PLXDC2: variants seen among roughly 807,000 people sequenced by gnomAD.
PLXDC2 encodes plexin domain-containing protein 2.
Under a neutral mutation model 68.9 loss-of-function variants are expected in PLXDC2, and 40 were observed. The observed-to-expected ratio is 0.58, with a 90% CI of 0.45 to 0.76. PLXDC2 has a LOEUF of 0.76. PLXDC2 is among the 30% of genes least tolerant of loss of function. PLXDC2 has a pLI of 0.00. For missense variants in PLXDC2, 644 were observed against 661.9 expected (o/e 0.97, Z 0.30); for synonymous variants, 243 against 234.2 (o/e 1.04, Z -0.34).
At chr10:20,214,138 G>A (rs181173900) in intron 10 of PLXDC2, among the ~76,000 whole-genome samples, 64 of 152,036 alleles carry the variant, frequency 4.2e-4, no homozygotes, top group East Asian at 2.1e-3. Context: ...CATGTGAACC[G>A]TTCATTTCTC....
chr10:20,084,651 C>A (rs895097131), intron 4 of PLXDC2, among the ~76,000 whole-genome samples: 13 of 151,982 alleles, frequency 8.6e-5, no homozygotes, highest in Non-Finnish European at 1.8e-4. Flanking sequence ...ATAAACTAGC[C>A]TCTGGCCTTA....
intron 1 of PLXDC2, among the ~76,000 whole-genome samples, chr10:19,845,993 C>T (rs564891492): frequency 2.6e-5 from 4 of 152,270 alleles, no homozygotes; most frequent in South Asian, 2.1e-4. Context: ...AATCCCACCT[C>T]CTACCTCAGT....
chr10:20,149,254 T>TTTTTTTTTTTTTTTC (rs1834121107), intron 6 of PLXDC2, among the ~76,000 whole-genome samples: 1 of 132,424 alleles, frequency 7.6e-6, no homozygotes, highest in Non-Finnish European at 1.6e-5. Context: ...TTTTTTTTTT[T>TTTTTTTTTTTTTTTC]TGAGTTGGAG....
At chr10:20,147,677 T>A (rs1011969681) in intron 5 of PLXDC2, 107 bp from the exon 6 acceptor site, 18 of 657,036 alleles carry the variant, frequency 2.7e-5, no homozygotes, top group Middle Eastern at 3.3e-4. Context: ...ATAGTACAAC[T>A]ACCAGATTTG....
At chr10:19,840,970 T>A (rs189505483) in intron 1 of PLXDC2, among the ~76,000 whole-genome samples, 12 of 152,206 alleles carry the variant, frequency 7.9e-5, no homozygotes, top group Non-Finnish European at 1.6e-4. Context: ...GCCACCAATT[T>A]AATTCCAGAA....
chr10:20,205,902 G>A (rs982937440), intron 9 of PLXDC2, among the ~76,000 whole-genome samples: 36 of 151,942 alleles, frequency 2.4e-4, no homozygotes, highest in African/African-American at 7.5e-4. Flanking sequence ...AGTGAGTATA[G>A]CATATTGTAT....
chr10:20,067,014 G>A (rs138288631), intron 3 of PLXDC2, among the ~76,000 whole-genome samples: 4 of 151,896 alleles, frequency 2.6e-5, no homozygotes, highest in African/African-American at 7.2e-5. Flanking sequence ...AAGTAATTGC[G>A]GTTTTTGCCA....
chr10:20,191,474 C>T (rs978288224), intron 9 of PLXDC2, among the ~76,000 whole-genome samples: 7 of 151,606 alleles, frequency 4.6e-5, no homozygotes, highest in African/African-American at 7.3e-5. Flanking sequence ...TTCTGATCAC[C>T]GAGAAGACCT....
intron 1 of PLXDC2, among the ~76,000 whole-genome samples, chr10:19,875,815 CAG>C (rs1039989439): frequency 6.6e-6 from 1 of 152,114 alleles, no homozygotes; most frequent in African/African-American, 2.4e-5. Context: ...ATTTGAGAAT[CAG>C]AGAGATGAGA....
intron 1 of PLXDC2, among the ~76,000 whole-genome samples, chr10:19,886,012 T>C (rs1554842492): frequency 6.6e-6 from 1 of 152,184 alleles, no homozygotes; most frequent in Non-Finnish European, 1.5e-5. Context: ...CATTTGTTTG[T>C]ATCCTGTTTT....
chr10:20,221,097 C>T (rs1835205775), intron 12 of PLXDC2, among the ~76,000 whole-genome samples: 1 of 152,060 alleles, frequency 6.6e-6, no homozygotes, highest in Admixed American at 6.6e-5. Flanking sequence ...CCCGTCTCGA[C>T]CTCCCAAAGT....
At chr10:20,068,399 T>C (rs1836255130) in intron 4 of PLXDC2, among the ~76,000 whole-genome samples, 160 bp downstream of exon 4, 1 of 152,062 alleles carries the variant, frequency 6.6e-6, no homozygotes, top group Admixed American at 6.6e-5. Flanking sequence ...AGGGTATGGT[T>C]ATTGGAAAAA....
intron 13 of PLXDC2, among the ~76,000 whole-genome samples, chr10:20,264,712 A>C (rs945568959): frequency 1.3e-5 from 2 of 152,104 alleles, no homozygotes; most frequent in South Asian, 2.1e-4. Context: ...AAGGTTTAAA[A>C]GTAGATTTTT....
chr10:20,078,564 G>A (rs1015067170), intron 4 of PLXDC2, among the ~76,000 whole-genome samples: 7 of 152,182 alleles, frequency 4.6e-5, no homozygotes, highest in Non-Finnish European at 8.8e-5. Context: ...ATACAATATT[G>A]TAAGTGTATT....
intron 13 of PLXDC2, among the ~76,000 whole-genome samples, chr10:20,257,782 A>C (rs1257411666): frequency 1.3e-5 from 2 of 152,108 alleles, no homozygotes; most frequent in Admixed American, 6.6e-5. Flanking sequence ...ACTTTCCCTT[A>C]TGTCCTTTTC....
chr10:20,005,310 A>G (rs1232017877), intron 2 of PLXDC2, among the ~76,000 whole-genome samples: 3 of 152,160 alleles, frequency 2.0e-5, no homozygotes, highest in Admixed American at 2.0e-4. Context: ...GTTGCATACT[A>G]AGAACACTGC....
intron 1 of PLXDC2, among the ~76,000 whole-genome samples, chr10:19,829,360 C>T (rs867169949): frequency 5.3e-5 from 8 of 152,022 alleles, no homozygotes; most frequent in Non-Finnish European, 1.0e-4. Flanking sequence ...TGCTTGTTAG[C>T]GTTCCACTTT....
At chr10:20,219,141 A>G in intron 12 of PLXDC2, 39 bp downstream of exon 12, 1 of 1,566,340 alleles carries the variant, frequency 6.4e-7, no homozygotes, top group Non-Finnish European at 8.7e-7. Flanking sequence ...CATCTTTTAA[A>G]TATGAATTCA....
At chr10:19,893,507 G>C (rs1838003310) in intron 1 of PLXDC2, among the ~76,000 whole-genome samples, 1 of 152,166 alleles carries the variant, frequency 6.6e-6, no homozygotes, top group South Asian at 2.1e-4. Context: ...TACATTGAGA[G>C]AAGTTTTCCT....
Sources: allele counts gnomAD v4.1 joint callset (sites outside exome capture counted in the v4.1 genomes callset), GRCh38; gene constraint gnomAD v4.1.1; transcripts MANE v1.5; gene names NCBI Gene and HGNC (gene_info 2026-07-23, HGNC 2026-07-21).